LPA: variants seen among roughly 807,000 people sequenced by gnomAD.
LPA encodes lipoprotein(a).
A neutral mutation model predicts 197.9 loss-of-function variants in LPA; 199 were observed. The ratio of observed to expected loss-of-function variants is 1.01; its 90% confidence interval spans 0.90 to 1.13. The LOEUF (loss-of-function observed/expected upper bound fraction) is 1.13. Among genes scored for constraint, LPA ranks in the 50% most tolerant of loss-of-function variants. The pLI, the probability that LPA is intolerant of heterozygous loss-of-function variation, is 0.00. For synonymous variants in LPA, 715 were observed against 639.5 expected (o/e 1.12, Z -1.78); for missense variants, 1,853 against 1,785.8 (o/e 1.04, Z -0.68).
chr6:160,650,730 A>G (rs1242089676), intron 1 of LPA, among the ~76,000 whole-genome samples: 4 of 152,226 alleles, frequency 2.6e-5, no homozygotes, highest in Non-Finnish European at 2.9e-5. Context: ...TTAACATATC[A>G]GAATTCTTCT....
At position 160,591,067 on chromosome 6, in the gene LPA, C is replaced by T. The variant is rs376479688; in HGVS notation, c.3664G>A (p.Ala1222Thr). The T allele has an allele frequency of 4.3e-6, 7 of 1,613,798 alleles. No individual in the cohort carries two copies. Among genetic ancestry groups the T allele is most frequent in the African/African-American group, 1.3e-5 (1 of 74,922 alleles). Residue 1222 changes from alanine (A) to threonine (T), a missense_variant, in exon 23 of 39, where the codon GCT becomes ACT. Physicochemically the swap from Ala to Thr is moderately conservative, Grantham distance 58 (BLOSUM62 0). Transcript: ENST00000316300. ...LTRNYCRNPDAEISPWCYTMD... is the reference protein window; with the variant it reads ...LTRNYCRNPDTEISPWCYTMD... ...GTATAACACCAAGGACTAATCTCAG[C>T]ATCTGGATTCCTGCAGTAGTTCCTG...
intron 20 of LPA, 39 bp downstream of exon 20, chr6:160,599,461 T>C: frequency 6.2e-7 from 1 of 1,611,526 alleles, no homozygotes; most frequent in South Asian, 1.1e-5. Flanking sequence ...AAACTTCCAT[T>C]GGCCCTTCCT....
intron 20 of LPA, among the ~76,000 whole-genome samples, chr6:160,598,543 G>A (rs1188086880): frequency 2.0e-5 from 3 of 152,178 alleles, no homozygotes; most frequent in Admixed American, 2.0e-4. Flanking sequence ...TGTTCAACAT[G>A]TGGAAACCGT....
intron 22 of LPA, among the ~76,000 whole-genome samples, chr6:160,591,593 C>T (rs1225991643): frequency 6.6e-6 from 1 of 152,202 alleles, no homozygotes; most frequent in Admixed American, 6.5e-5. Flanking sequence ...AATTTATTCA[C>T]ATACAGTTTT....
intron 1 of LPA, among the ~76,000 whole-genome samples, chr6:160,651,173 C>A (rs1779999091): frequency 6.6e-6 from 1 of 152,178 alleles, no homozygotes; most frequent in African/African-American, 2.4e-5. Context: ...AGAATGCATT[C>A]CCTTCAAAGC....
chr6:160,607,281 G>C (rs1440242057), intron 16 of LPA, among the ~76,000 whole-genome samples: 2 of 152,094 alleles, frequency 1.3e-5, no homozygotes, highest in East Asian at 1.9e-4. Context: ...AAATAGGTTT[G>C]TTTCTGCAAG....
intron 16 of LPA, among the ~76,000 whole-genome samples, chr6:160,608,484 C>T (rs1053946033): frequency 6.6e-6 from 1 of 152,126 alleles, no homozygotes; most frequent in Admixed American, 6.6e-5. Context: ...TAGCAAGAAA[C>T]AGCTTGTTTT....
Position 160,576,398 on chromosome 6 carries a change from A to ATATACATATATATATATATATATATGTG in LPA, c.4631+737_4631+738insCACATATATATATATATATATATGTATA, listed in dbSNP as rs1778676097. Among the ~76,000 whole-genome samples the ATATACATATATATATATATATATATGTG allele has an allele frequency of 1.8e-4, 10 of 54,990 alleles. No homozygotes were observed. The East Asian group carries it at 3.1e-3, about 17-fold the overall frequency. 36.1% of individuals were successfully genotyped at this position (54,990 alleles called of 152,430 possible). The stretch of plus-strand genomic sequence containing the variant: ...TATATATATATATATATGTATATAT[A>ATATACATATATATATATATATATATGTG]TATATATATATATATATGGGTATAT... On this transcript the variant is annotated intron_variant, in intron 28 of 38. Transcript: ENST00000316300.
chr6:160,602,527 T>G (rs546459439), intron 18 of LPA, among the ~76,000 whole-genome samples: 1 of 152,198 alleles, frequency 6.6e-6, no homozygotes, highest in Admixed American at 6.5e-5. Context: ...GATATAGAAA[T>G]TTGATCAAGA....
In LPA at chr6:160,606,126, A is replaced by T. The variant is rs575474177; in HGVS notation, c.2785+351T>A. Among the ~76,000 whole-genome samples the T allele has an allele frequency of 2.0e-5, 3 of 152,280 alleles. No homozygotes were observed. In the East Asian group the frequency reaches 5.8e-4, roughly 29 times the overall value. On this transcript the variant is annotated intron_variant, in intron 17 of 38. Coordinates refer to ENST00000316300, the MANE Select transcript of LPA (RefSeq NM_005577.4). Reference sequence around the variant, plus strand: ...TGCACTGAATGCTGGCTAATTGAAGAAGTCCCAGGAAAAGCTTACTGGCTT... The same window carrying T: ...TGCACTGAATGCTGGCTAATTGAAGTAGTCCCAGGAAAAGCTTACTGGCTT...
At chr6:160,568,030 G>C (rs1301820279) in intron 28 of LPA, among the ~76,000 whole-genome samples, 1 of 150,418 alleles carries the variant, frequency 6.6e-6, no homozygotes, top group Non-Finnish European at 1.5e-5. Flanking sequence ...AAAAGTCCAG[G>C]AGAGATTCAT....
intron 1 of LPA, among the ~76,000 whole-genome samples, chr6:160,663,110 T>C (rs1780253646): frequency 6.6e-6 from 1 of 152,202 alleles, no homozygotes; most frequent in African/African-American, 2.4e-5. Flanking sequence ...CACTTTCTGC[T>C]CCTAAAGTGA....
intron 26 of LPA, among the ~76,000 whole-genome samples, chr6:160,584,436 T>C (rs6903340): frequency 0.4 from 60,704 of 150,054 alleles, 13,007 homozygotes; most frequent in African/African-American, 0.56. Context: ...GGCTCAAGTG[T>C]TTCTCCTGCC....
chr6:160,581,127 A>G (rs1374653860), intron 26 of LPA, among the ~76,000 whole-genome samples: 1 of 152,114 alleles, frequency 6.6e-6, no homozygotes, highest in East Asian at 1.9e-4. Context: ...CACATTTGTT[A>G]TAGTTTTTTT....
At chr6:160,582,090 A>G (rs1220889897) in intron 26 of LPA, among the ~76,000 whole-genome samples, 7 of 152,290 alleles carry the variant, frequency 4.6e-5, no homozygotes, top group African/African-American at 1.2e-4. Context: ...AGGAGGACAG[A>G]ATATGTACTT....
chr6:160,553,552 AAGG>A (rs1488882941), intron 30 of LPA, among the ~76,000 whole-genome samples: 1 of 152,160 alleles, frequency 6.6e-6, no homozygotes, highest in African/African-American at 2.4e-5. Context: ...CATTGTTTCC[AAGG>A]AGAAGGCATC....
Position 160,589,552 on chromosome 6 carries a change from C to A in LPA, c.3947+1G>T, listed in dbSNP as rs1032955724. The A allele has an allele frequency of 1.2e-6, 2 of 1,613,446 alleles. No individual in the cohort carries two copies. Among genetic ancestry groups the A allele is most frequent in the South Asian group, 2.2e-5 (2 of 91,064 alleles). On this transcript the variant is annotated splice_donor_variant, in intron 24 of 38. Coordinates refer to ENST00000316300, the MANE Select transcript of LPA (RefSeq NM_005577.4). LOFTEE classifies it high-confidence loss of function. ...TCTTGGGAGAAAACTCAAAGACATA[C>A]CCATTTGGGTAGTATTCTGTGGTTC... is the stretch of plus-strand genomic sequence containing the variant.
At chr6:160,601,707 G>A (rs984163634) in intron 18 of LPA, among the ~76,000 whole-genome samples, 1 of 152,198 alleles carries the variant, frequency 6.6e-6, no homozygotes, top group Admixed American at 6.5e-5. Context: ...GTATCAGGTG[G>A]GTCAAGTGGG....
chr6:160,599,743 A>AG, intron 19 of LPA, 84 bp from the exon 20 acceptor site: 1 of 1,439,772 alleles, frequency 6.9e-7, no homozygotes, highest in Admixed American at 1.7e-5. Context: ...AAACCAAAAA[A>AG]GAGTCACTGA....
Sources: allele counts gnomAD v4.1 joint callset (sites outside exome capture counted in the v4.1 genomes callset), GRCh38; gene constraint gnomAD v4.1.1; transcripts MANE v1.5; gene names NCBI Gene and HGNC (gene_info 2026-07-23, HGNC 2026-07-21).